The following CENPP variants were observed in gnomAD, a reference collection of about 807,000 sequenced individuals.
CENPP encodes the protein centromere protein P.
Under a neutral mutation model 35.6 loss-of-function variants are expected in CENPP, and 24 were observed. That is an observed-to-expected ratio of 0.67 (90% CI 0.49 to 0.95). The LOEUF (loss-of-function observed/expected upper bound fraction) is 0.95, where lower values mean the gene tolerates loss of function less well. Ranked by LOEUF, CENPP falls within the 40% of genes least tolerant of loss-of-function variation. CENPP has a pLI of 0.00. For missense variants in CENPP, 332 were observed against 345.3 expected, an observed-to-expected ratio of 0.96 and a Z score of 0.31; for synonymous variants, 120 against 125.5, an observed-to-expected ratio of 0.96 and a Z score of 0.29.
At chr9:92,473,291 G>T (rs1241869769) in intron 5 of CENPP, among the ~76,000 whole-genome samples, 1 of 152,144 alleles carries the variant, frequency 6.6e-6, no homozygotes, top group African/African-American at 2.4e-5. Context: ...GCACGTGGGG[G>T]TGGTCTGCAC....
chr9:92,369,518 A>G (rs1374550497), intron 4 of CENPP, among the ~76,000 whole-genome samples: 1 of 152,152 alleles, frequency 6.6e-6, no homozygotes, highest in African/African-American at 2.4e-5. Context: ...CAAATTGTTG[A>G]TTATCTCTAG....
rs374973497 is a variant in CENPP at position 92,608,690 on chromosome 9, C to A, written c.565-2624C>A. Among the ~76,000 whole-genome samples, 18 of 152,212 alleles carry A rather than the reference C, an allele frequency of 1.2e-4. No individual in the cohort carries two copies. In the East Asian group the frequency reaches 2.7e-3, roughly 23 times the overall value. ...TAAAAGAATGGAGCATTATTAACTT[C>A]CACAAAAGAACCTTTGCACACAGTC... On this transcript the variant is annotated intron_variant, in intron 5 of 7. Transcript: ENST00000375587.
At chr9:92,382,892 C>CA (rs1459666948) in intron 5 of CENPP, among the ~76,000 whole-genome samples, 26 of 69,810 alleles carry the variant, frequency 3.7e-4, no homozygotes, top group Non-Finnish European at 3.3e-4. Flanking sequence ...CACTGTTTTC[C>CA]TTTTTTTTTT....
intron 5 of CENPP, among the ~76,000 whole-genome samples, chr9:92,382,892 C>CTTTTTTTTT (rs1213731251): frequency 2.9e-5 from 2 of 69,816 alleles, no homozygotes; most frequent in Non-Finnish European, 2.7e-5. Context: ...CACTGTTTTC[C>CTTTTTTTTT]TTTTTTTTTT....
intron 4 of CENPP, among the ~76,000 whole-genome samples, chr9:92,368,951 G>A (rs1442765269): frequency 6.6e-6 from 1 of 152,146 alleles, no homozygotes; most frequent in African/African-American, 2.4e-5. Context: ...GACTGACATG[G>A]GAGGGTCTCT....
At chr9:92,327,999 G>T (rs1214140346) in intron 1 of CENPP, among the ~76,000 whole-genome samples, 1 of 152,114 alleles carries the variant, frequency 6.6e-6, no homozygotes, top group Admixed American at 6.5e-5. Context: ...TCCCAAATAG[G>T]AAGGGGTATA....
chr9:92,351,261 C>T (rs563737727), intron 4 of CENPP, among the ~76,000 whole-genome samples: 167 of 152,062 alleles, frequency 1.1e-3, no homozygotes, highest in Middle Eastern at 3.4e-3. Context: ...GAGGCTGAGG[C>T]GGGTGGATCA....
At chr9:92,426,936 C>G (rs1843982616) in intron 5 of CENPP, among the ~76,000 whole-genome samples, 1 of 152,130 alleles carries the variant, frequency 6.6e-6, no homozygotes, top group African/African-American at 2.4e-5. Flanking sequence ...AAACACAAAG[C>G]CCAGATCTTG....
chr9:92,503,906 G>T (rs1846836996), intron 5 of CENPP, among the ~76,000 whole-genome samples: 1 of 152,210 alleles, frequency 6.6e-6, no homozygotes, highest in Non-Finnish European at 1.5e-5. Flanking sequence ...CCTTGAGGCT[G>T]CATGGTTAAG....
At chr9:92,395,018 C>CT (rs537929107) in intron 5 of CENPP, among the ~76,000 whole-genome samples, 5 of 152,054 alleles carry the variant, frequency 3.3e-5, no homozygotes, top group African/African-American at 1.2e-4. Context: ...CCCTTTCAAG[C>CT]TTTTTTTTCC....
intron 5 of CENPP, among the ~76,000 whole-genome samples, chr9:92,462,247 G>A (rs533299412): frequency 6.6e-6 from 1 of 152,258 alleles, no homozygotes; most frequent in African/African-American, 2.4e-5. Context: ...CAAAATGCTG[G>A]GATTACAGGC....
At chr9:92,326,724 C>G (rs1840529912) in intron 1 of CENPP, among the ~76,000 whole-genome samples, 1 of 152,136 alleles carries the variant, frequency 6.6e-6, no homozygotes. Flanking sequence ...AAATTTTACT[C>G]CAAAGTCTGG....
chr9:92,502,021 G>A (rs952589549), intron 5 of CENPP, among the ~76,000 whole-genome samples: 4 of 152,236 alleles, frequency 2.6e-5, no homozygotes, highest in African/African-American at 9.6e-5. Context: ...TGTAGTGTAG[G>A]AGAACAGGCC....
chr9:92,569,098 G>T (rs1186465221), intron 5 of CENPP, among the ~76,000 whole-genome samples: 4 of 152,302 alleles, frequency 2.6e-5, no homozygotes, highest in African/African-American at 9.6e-5. Flanking sequence ...GATCCCATTT[G>T]TCAATTTTGG....
At chr9:92,534,738 C>A (rs945711997) in intron 5 of CENPP, among the ~76,000 whole-genome samples, 4 of 152,122 alleles carry the variant, frequency 2.6e-5, no homozygotes, top group Non-Finnish European at 5.9e-5. Flanking sequence ...ATATGAAAAC[C>A]TGAACTGAGA....
chr9:92,608,773 T>C (rs1256260419), intron 5 of CENPP, among the ~76,000 whole-genome samples: 1 of 152,254 alleles, frequency 6.6e-6, no homozygotes, highest in African/African-American at 2.4e-5. Flanking sequence ...AATGTCAGCG[T>C]TTCTACCTTT....
intron 5 of CENPP, chr9:92,474,757 AT>A (rs772484367): frequency 5.6e-6 from 9 of 1,610,486 alleles, no homozygotes; most frequent in Non-Finnish European, 7.6e-6. Flanking sequence ...CATCATCATC[AT>A]CATCATCATC....
chr9:92,600,572 C>G, intron 5 of CENPP: 1 of 1,609,356 alleles, frequency 6.2e-7, no homozygotes, highest in South Asian at 1.1e-5. Context: ...TTGGCACAAG[C>G]CCTTGCGAGG....
chr9:92,382,892 C>CAT (rs1459666948), intron 5 of CENPP, among the ~76,000 whole-genome samples: 8 of 69,810 alleles, frequency 1.1e-4, no homozygotes, highest in Non-Finnish European at 1.1e-4. Flanking sequence ...CACTGTTTTC[C>CAT]TTTTTTTTTT....
Sources: allele counts gnomAD v4.1 joint callset (sites outside exome capture counted in the v4.1 genomes callset), GRCh38; gene constraint gnomAD v4.1.1; transcripts MANE v1.5; gene names NCBI Gene and HGNC (gene_info 2026-07-23, HGNC 2026-07-21).